The following COL10A1 variants were observed in gnomAD, a reference collection of about 807,000 sequenced individuals.
The protein encoded by COL10A1 is collagen alpha-1(X) chain.
In COL10A1, 10 loss-of-function variants were observed where a neutral mutation model predicts 18.2. That is an observed-to-expected ratio of 0.55 (90% CI 0.34 to 0.93). The LOEUF (loss-of-function observed/expected upper bound fraction) is 0.93, where lower values mean the gene tolerates loss of function less well. COL10A1 is among the 40% of genes least tolerant of loss of function. The probability of loss-of-function intolerance (pLI) is 0.02; values close to 1 mark genes in which losing one functional copy is unlikely to be tolerated. For synonymous variants in COL10A1, 330 were observed against 316.6 expected (o/e 1.04, Z -0.45); for missense variants, 897 against 853.5 (o/e 1.05, Z -0.64).
chr6:116,175,133 A>G, the COL10A1 span, among the ~76,000 whole-genome samples: 1 of 152,144 alleles, frequency 6.6e-6, no homozygotes, highest in African/African-American at 2.4e-5. Flanking sequence ...TATATTTTGT[A>G]TAGAGTTTGA....
rs148119438 is a variant in COL10A1 at position 116,120,845 on chromosome 6, A to C, written c.1271T>G (p.Val424Gly). ...CATTCCCTTTGCTCCTGCTGGGCCCACAGGGCCTGGGAGACCAGGAGGTCC... is the reference window on the plus strand; with the variant it reads ...CATTCCCTTTGCTCCTGCTGGGCCCCCAGGGCCTGGGAGACCAGGAGGTCC... ...VGGPPGLPGP[V>G]GPAGAKGMPG... The change falls in exon 3 of 3, where the codon GTG becomes GGG. Residue 424 changes from valine (V) to glycine (G), a missense_variant. Coordinates refer to ENST00000651968, the MANE Select transcript of COL10A1 (RefSeq NM_000493.4). The C allele has an allele frequency of 1.9e-6, 3 of 1,613,892 alleles. No individual in the cohort carries two copies. The highest frequency in any genetic ancestry group is 2.5e-6 in the Non-Finnish European group (3 of 1,179,912).
chr6:116,192,690 T>C, the COL10A1 span, among the ~76,000 whole-genome samples: 1 of 152,120 alleles, frequency 6.6e-6, no homozygotes, highest in Non-Finnish European at 1.5e-5. Flanking sequence ...TTTTGCCTTA[T>C]ACCTGTATAG....
At chr6:116,192,227 T>C in the COL10A1 span, among the ~76,000 whole-genome samples, 1 of 151,988 alleles carries the variant, frequency 6.6e-6, no homozygotes. Flanking sequence ...GCTCTTAAAA[T>C]TGGGATAAGT....
At chr6:116,152,329 A>G (rs1244616616) in intron 1 of COL10A1, among the ~76,000 whole-genome samples, 12 of 152,214 alleles carry the variant, frequency 7.9e-5, no homozygotes, top group African/African-American at 2.7e-4. Context: ...TTATCGTACC[A>G]TTTAACTCCC....
At chr6:116,132,371 AGCC>A (rs1779490693) in intron 1 of COL10A1, among the ~76,000 whole-genome samples, 1 of 152,130 alleles carries the variant, frequency 6.6e-6, no homozygotes, top group Non-Finnish European at 1.5e-5. Flanking sequence ...CCATTTCTCT[AGCC>A]TACTTTTCCT....
intron 1 of COL10A1, among the ~76,000 whole-genome samples, chr6:116,153,491 T>G (rs1780104797): frequency 6.6e-6 from 1 of 152,164 alleles, no homozygotes; most frequent in African/African-American, 2.4e-5. Context: ...ATGCCATTTA[T>G]TCATTTAATT....
chr6:116,145,360 AT>A (rs1436715702), intron 1 of COL10A1: 6 of 280,032 alleles, frequency 2.1e-5, no homozygotes, highest in African/African-American at 1.3e-4. Context: ...CTAAAAAAAA[AT>A]CAACATTAAA....
At chr6:116,136,782 G>T (rs543240924) in intron 1 of COL10A1, among the ~76,000 whole-genome samples, 37 of 152,256 alleles carry the variant, frequency 2.4e-4, no homozygotes, top group African/African-American at 8.7e-4. Flanking sequence ...AGTTCCAACG[G>T]TTTGGAATCT....
intron 1 of COL10A1, chr6:116,145,310 G>T (rs761790430): frequency 1.8e-4 from 37 of 209,138 alleles, no homozygotes; most frequent in Non-Finnish European, 3.4e-4. Context: ...CATACGTTTT[G>T]TCAGAGCATA....
chr6:116,198,281 T>C, the COL10A1 span, among the ~76,000 whole-genome samples: 2,931 of 152,170 alleles, frequency 0.019, 150 homozygotes, highest in East Asian at 0.2. Flanking sequence ...AGCTTGATCC[T>C]GAAACAGAAA....
intron 2 of COL10A1, 123 bp from the exon 3 acceptor site, chr6:116,122,084 C>T: frequency 1.1e-6 from 1 of 910,870 alleles, no homozygotes; most frequent in East Asian, 2.4e-5. Context: ...TCCATGTAGA[C>T]AGAACAGTCT....
the COL10A1 span, among the ~76,000 whole-genome samples, chr6:116,167,075 TCAGAG>T: frequency 6.6e-6 from 1 of 152,160 alleles, no homozygotes; most frequent in African/African-American, 2.4e-5. Flanking sequence ...TTAAAACTAT[TCAGAG>T]CATGTGATAT....
chr6:116,142,238 G>A lies in COL10A1; in HGVS notation c.-16+16376C>T, dbSNP rs185368774. On this transcript the variant is annotated intron_variant, in intron 1 of 1. Coordinates refer to the COL10A1 transcript ENST00000418500. ...TGGGACCAAATTTAGTAATTTAATT[G>A]TAAAAGACAAAACACCATAAACTAT... 8.6e-5 allele frequency among the ~76,000 whole-genome samples: 13 copies of A among 151,376 alleles called. 1 individual carries two copies. The highest frequency in any genetic ancestry group is 8.6e-4 in the Admixed American group (13 of 15,202).
At chr6:116,178,860 T>C in the COL10A1 span, among the ~76,000 whole-genome samples, 24 of 152,232 alleles carry the variant, frequency 1.6e-4, no homozygotes, top group Non-Finnish European at 2.6e-4. Flanking sequence ...GTTTGCCTTA[T>C]AAAAATCTTC....
At chr6:116,123,834 A>G (rs1009845313) in intron 2 of COL10A1, among the ~76,000 whole-genome samples, 2 of 152,356 alleles carry the variant, frequency 1.3e-5, no homozygotes, top group East Asian at 1.9e-4. Flanking sequence ...ATAATGGTGT[A>G]TATTAAGAGA....
chr6:116,154,576 C>T (rs1031745156), intron 1 of COL10A1, among the ~76,000 whole-genome samples: 1 of 151,990 alleles, frequency 6.6e-6, no homozygotes, highest in African/African-American at 2.4e-5. Context: ...TTAAAAAATG[C>T]TAGAACAGTG....
chr6:116,209,114 C>CT, the COL10A1 span, among the ~76,000 whole-genome samples: 99 of 152,016 alleles, frequency 6.5e-4, 1 homozygote, highest in South Asian at 0.019. Flanking sequence ...TTATATATAA[C>CT]TAATTGTATT....
chr6:116,190,902 T>C, the COL10A1 span, among the ~76,000 whole-genome samples: 1 of 151,986 alleles, frequency 6.6e-6, no homozygotes, highest in Non-Finnish European at 1.5e-5. Flanking sequence ...TCATTAGTGG[T>C]TACCCCTGTT....
the COL10A1 span, among the ~76,000 whole-genome samples, chr6:116,202,514 G>A: frequency 6.6e-6 from 1 of 151,838 alleles, no homozygotes; most frequent in Non-Finnish European, 1.5e-5. Context: ...ATTGGCAATA[G>A]GTTTATTTCT....
Sources: gnomAD v4.1 joint callset for allele counts (sites outside exome capture counted in the v4.1 genomes callset) on GRCh38, gnomAD v4.1.1 for gene constraint, MANE v1.5 for transcripts, NCBI Gene and HGNC (gene_info 2026-07-23, HGNC 2026-07-21) for gene names.